BTAF1: variants seen among roughly 807,000 people sequenced by gnomAD.
BTAF1 encodes the protein B-TFIID TATA-box binding protein associated factor 1.
A neutral mutation model predicts 227.1 loss-of-function variants in BTAF1; 38 were observed. That is an observed-to-expected ratio of 0.17 (90% CI 0.13 to 0.22). The LOEUF (loss-of-function observed/expected upper bound fraction) is 0.22. Among genes scored for constraint, BTAF1 ranks in the 10% least tolerant of loss-of-function variants. BTAF1 has a pLI of 1.00. For synonymous variants in BTAF1, 742 were observed against 751.9 expected (o/e 0.99, Z 0.21); for missense variants, 1,598 against 2,204.0 (o/e 0.73, Z 5.51).
At chr10:92,001,489 A>G (rs926664951) in intron 25 of BTAF1, among the ~76,000 whole-genome samples, 2 of 152,210 alleles carry the variant, frequency 1.3e-5, no homozygotes, top group Non-Finnish European at 2.9e-5. Context: ...CATACTGAGC[A>G]TCAAGTCCTT....
chr10:91,979,589 T>TA (rs1035226676), intron 14 of BTAF1, among the ~76,000 whole-genome samples: 38 of 152,198 alleles, frequency 2.5e-4, no homozygotes, highest in African/African-American at 8.4e-4. Flanking sequence ...ATTTAGTGCT[T>TA]AAAAAAAGTC....
At chr10:91,956,682 T>C in intron 7 of BTAF1, 25 bp downstream of exon 7, 1 of 1,599,574 alleles carries the variant, frequency 6.3e-7, no homozygotes, top group Non-Finnish European at 8.5e-7. Flanking sequence ...CTCTAAAGTA[T>C]CCATTAAAAT....
intron 14 of BTAF1, among the ~76,000 whole-genome samples, chr10:91,978,004 G>A (rs1306498975): frequency 6.6e-6 from 1 of 152,058 alleles, no homozygotes; most frequent in Non-Finnish European, 1.5e-5. Flanking sequence ...CAGCGAACCT[G>A]CATTGACACA....
At chr10:91,990,864 T>C (rs754562153) in intron 20 of BTAF1, among the ~76,000 whole-genome samples, 1 of 152,044 alleles carries the variant, frequency 6.6e-6, no homozygotes, top group Non-Finnish European at 1.5e-5. Flanking sequence ...CCCAGCACTT[T>C]AGGAGGTCGA....
intron 22 of BTAF1, 138 bp from the exon 23 acceptor site, chr10:91,994,387 CACTTAAATTA>C (rs777506883): frequency 1.2e-5 from 7 of 563,038 alleles, no homozygotes; most frequent in Middle Eastern, 3.6e-4. Flanking sequence ...AGTACCCCAG[CACTTAAATTA>C]AGGTCATGGC....
At chr10:91,994,749 T>C in intron 23 of BTAF1, 105 bp downstream of exon 23, 1 of 926,522 alleles carries the variant, frequency 1.1e-6, no homozygotes, top group South Asian at 1.6e-5. Context: ...CCTTATTAAT[T>C]GCATTTTTCT....
chr10:92,026,399 A>C lies in BTAF1; in HGVS notation c.5076-193A>C, dbSNP rs2676812. Among the ~76,000 whole-genome samples the C allele has an allele frequency of 0.98, 148,704 of 152,322 alleles. 72,682 individuals carry two copies. Among genetic ancestry groups the C allele is most frequent in the East Asian group, 1 (5,188 of 5,188 alleles). On this transcript the variant is annotated intron_variant, in intron 35 of 37. Transcript: ENST00000265990. ...TATTTTGTATTTATGAAATTCCTGAATAGCTTTGGAATGCCCTCTTTTACT... is the reference window on the plus strand; with the variant it reads ...TATTTTGTATTTATGAAATTCCTGACTAGCTTTGGAATGCCCTCTTTTACT...
In BTAF1 at chr10:91,964,148, T is replaced by C. The variant is rs753743374; in HGVS notation, c.1476T>C (p.Ser492=). The change falls in exon 13 of 38, where the codon AGT becomes AGC. Residue 492 remains serine, a synonymous_variant. Transcript: ENST00000265990. ...ELDDLTASTN[S]IMTLLSSLLT... ...ATGATCTAACAGCTTCAACAAATAGTATTATGACTCTCCTTTCATCCTTGT... is the reference window on the plus strand; with the variant it reads ...ATGATCTAACAGCTTCAACAAATAGCATTATGACTCTCCTTTCATCCTTGT... 12 of 1,612,924 alleles carry C rather than the reference T, an allele frequency of 7.4e-6. No homozygotes were observed. Among genetic ancestry groups the C allele is most frequent in the Non-Finnish European group, 9.3e-6 (11 of 1,179,238 alleles).
chr10:91,961,567 C>T (rs981190005), intron 11 of BTAF1, among the ~76,000 whole-genome samples: 2 of 152,058 alleles, frequency 1.3e-5, no homozygotes, highest in Admixed American at 6.5e-5. Flanking sequence ...GCTTTTCCTG[C>T]CCCTTTTAGT....
At chr10:91,964,301 A>T in intron 13 of BTAF1, 100 bp downstream of exon 13, 4 of 1,354,732 alleles carry the variant, frequency 3.0e-6, no homozygotes, top group Non-Finnish European at 4.0e-6. Flanking sequence ...TTTAAGAATA[A>T]TATTATTTAA....
chr10:92,026,825 T>C (rs747138148), intron 36 of BTAF1, 74 bp downstream of exon 36: 31 of 1,478,968 alleles, frequency 2.1e-5, no homozygotes, highest in Non-Finnish European at 2.7e-5. Context: ...TAGGAAACCT[T>C]GGTTTAGTTC....
At position 91,982,580 on chromosome 10, in the gene BTAF1, C is replaced by G. The variant is rs767904675; in HGVS notation, c.2049-7C>G. The G allele has an allele frequency of 2.5e-6, 4 of 1,606,984 alleles. No individual in the cohort carries two copies. In the Admixed American group the frequency reaches 5.1e-5, roughly 21 times the overall value. On this transcript the variant is annotated splice_region_variant and splice_polypyrimidine_tract_variant and intron_variant, in intron 17 of 37. Coordinates refer to ENST00000265990, the MANE Select transcript of BTAF1 (RefSeq NM_003972.3). ...TCTTATAGTAACTTCCTTTTTCTCCCTCTTAGGTTGTTAGGAGCACTTTGT... is the reference window on the plus strand; with the variant it reads ...TCTTATAGTAACTTCCTTTTTCTCCGTCTTAGGTTGTTAGGAGCACTTTGT...
intron 28 of BTAF1, among the ~76,000 whole-genome samples, chr10:92,010,344 A>T (rs1392833180): frequency 6.6e-6 from 1 of 152,200 alleles, no homozygotes; most frequent in African/African-American, 2.4e-5. Context: ...ATTCAACTCA[A>T]TTCTCAGTTT....
In BTAF1 at chr10:91,982,657, G is replaced by A. The variant is rs1471865911; in HGVS notation, c.2119G>A (p.Ala707Thr). 6.2e-7 allele frequency: 1 copy of A among 1,613,884 alleles called. No individual in the cohort carries two copies. Residue 707 changes from alanine to threonine, a missense_variant, in exon 18 of 38, where the codon GCT (alanine) becomes ACT (threonine). Around this residue, in one of 10 missense-constraint regions of BTAF1, gnomAD observed 318 missense variants for 435.0 expected, o/e 0.73. Coordinates refer to ENST00000265990, the MANE Select transcript of BTAF1 (RefSeq NM_003972.3). ...TGTGGTAACTCAAGAAATTAAACCA[G>A]CTGAATCCCTGGGCCAGTTACTACT... is the stretch of plus-strand genomic sequence containing the variant. Reference protein sequence around the residue: ...VNVVTQEIKPAESLGQLLLFH... With the variant: ...VNVVTQEIKPTESLGQLLLFH...
chr10:91,960,944 A>G (rs1044765823), intron 11 of BTAF1, among the ~76,000 whole-genome samples: 3 of 152,220 alleles, frequency 2.0e-5, no homozygotes, highest in African/African-American at 7.2e-5. Context: ...AAATATATCT[A>G]AAGTCCTTTA....
At position 91,948,524 on chromosome 10, in the gene BTAF1, G is replaced by A. The variant is rs1336498335; in HGVS notation, c.401-2879G>A. 5.3e-5 allele frequency among the ~76,000 whole-genome samples: 8 copies of A among 151,174 alleles called. No homozygotes were observed. The South Asian group carries it at 8.4e-4, about 16-fold the overall frequency. On this transcript the variant is annotated intron_variant, in intron 4 of 37. Transcript: ENST00000265990. The stretch of plus-strand genomic sequence containing the variant: ...CCCATCTTGCTAGGACCACAGGCAC[G>A]TGCCACCACGCCTGGCTAATTTTTT...
At chr10:91,965,500 G>A (rs1483423931) in intron 13 of BTAF1, among the ~76,000 whole-genome samples, 2 of 152,282 alleles carry the variant, frequency 1.3e-5, no homozygotes, top group East Asian at 1.9e-4. Context: ...TGGCCTATGG[G>A]CCTTAGTGGA....
chr10:91,949,744 C>T (rs1235545010), intron 4 of BTAF1, among the ~76,000 whole-genome samples: 1 of 152,184 alleles, frequency 6.6e-6, no homozygotes, highest in African/African-American at 2.4e-5. Flanking sequence ...TGGCCCTCTT[C>T]TCTCTGGCTC....
At chr10:91,935,392 C>T (rs1252558802) in intron 1 of BTAF1, among the ~76,000 whole-genome samples, 1 of 152,176 alleles carries the variant, frequency 6.6e-6, no homozygotes, top group Non-Finnish European at 1.5e-5. Context: ...ATCCCTCTTG[C>T]TTTTCCTACC....
Sources: allele counts gnomAD v4.1 joint callset (sites outside exome capture counted in the v4.1 genomes callset), GRCh38; gene constraint gnomAD v4.1.1; regional missense constraint gnomAD v4.1.1; transcripts MANE v1.5; gene names NCBI Gene and HGNC (gene_info 2026-07-23, HGNC 2026-07-21).